Variants in MYO1E observed in about 807,000 individuals in gnomAD.
MYO1E encodes the protein unconventional myosin-Ie.
In MYO1E, 68 loss-of-function variants were observed where a neutral mutation model predicts 151.1. The ratio of observed to expected loss-of-function variants is 0.45; its 90% CI spans 0.37 to 0.55. The LOEUF (loss-of-function observed/expected upper bound fraction) is 0.55, where lower values mean the gene tolerates loss of function less well. Ranked by LOEUF, MYO1E falls within the 20% of genes least tolerant of loss-of-function variation. The pLI is 0.00. For missense variants in MYO1E, 1,363 were observed against 1,389.3 expected (o/e 0.98, Z 0.30); for synonymous variants, 601 against 501.7 (o/e 1.20, Z -2.64).
intron 1 of MYO1E, among the ~76,000 whole-genome samples, chr15:59,292,530 C>A (rs1054037438): frequency 6.6e-6 from 1 of 152,332 alleles, no homozygotes; most frequent in South Asian, 2.1e-4. Flanking sequence ...AGGCCTAAAA[C>A]AATGTGCAGT....
chr15:59,176,052 T>TTTGTTGTTG (rs35018814), intron 19 of MYO1E, among the ~76,000 whole-genome samples: 3 of 151,262 alleles, frequency 2.0e-5, no homozygotes, highest in Non-Finnish European at 4.4e-5. Context: ...TGATGTGGGT[T>TTTGTTGTTG]TTGTTGTTGT....
intron 4 of MYO1E, among the ~76,000 whole-genome samples, chr15:59,250,213 A>AG (rs1320836359): frequency 6.6e-6 from 1 of 152,102 alleles, no homozygotes; most frequent in Non-Finnish European, 1.5e-5. Context: ...TGACCATAGG[A>AG]GAGTCTGACG....
At chr15:59,172,305 C>T (rs1187328430) in intron 21 of MYO1E, among the ~76,000 whole-genome samples, 1 of 152,026 alleles carries the variant, frequency 6.6e-6, no homozygotes, top group Non-Finnish European at 1.5e-5. Flanking sequence ...TGCAGTGAGC[C>T]GAGATTGCGC....
chr15:59,151,031 ACACACACACACACACAC>A (rs1478982573), intron 26 of MYO1E, among the ~76,000 whole-genome samples: 1 of 133,294 alleles, frequency 7.5e-6, no homozygotes, highest in African/African-American at 3.3e-5. Context: ...ACACACACAC[ACACACACACACACACAC>A]ACGCGCGCGC....
chr15:59,364,029 C>T (rs754649856), intron 1 of MYO1E, among the ~76,000 whole-genome samples: 4 of 152,168 alleles, frequency 2.6e-5, no homozygotes, highest in African/African-American at 7.2e-5. Context: ...CTGCCCTCCT[C>T]GGCCTCCCAA....
intron 1 of MYO1E, among the ~76,000 whole-genome samples, chr15:59,343,333 C>T (rs1244015552): frequency 2.0e-5 from 3 of 151,656 alleles, no homozygotes; most frequent in Non-Finnish European, 4.4e-5. Context: ...CTTTATGCCA[C>T]TCTCTCCTGG....
At chr15:59,185,803 T>A (rs1237475790) in intron 18 of MYO1E, among the ~76,000 whole-genome samples, 1 of 152,216 alleles carries the variant, frequency 6.6e-6, no homozygotes, top group Admixed American at 6.5e-5. Flanking sequence ...AGTCAATGCC[T>A]GGATACGCTT....
intron 18 of MYO1E, among the ~76,000 whole-genome samples, chr15:59,185,754 A>T (rs2079692232): frequency 6.6e-6 from 1 of 152,236 alleles, no homozygotes; most frequent in South Asian, 2.1e-4. Context: ...TATCTAAGCC[A>T]AAGTTCCTCA....
chr15:59,315,369 G>A (rs1200666611), intron 1 of MYO1E, among the ~76,000 whole-genome samples: 2 of 152,064 alleles, frequency 1.3e-5, no homozygotes, highest in African/African-American at 4.8e-5. Context: ...AGAACTGGAA[G>A]GGGTCTTACG....
intron 12 of MYO1E, among the ~76,000 whole-genome samples, chr15:59,211,854 C>A (rs1296151802): frequency 6.6e-6 from 1 of 152,166 alleles, no homozygotes; most frequent in Admixed American, 6.5e-5. Flanking sequence ...CCGTCTAAGT[C>A]TCTACCATGT....
intron 22 of MYO1E, among the ~76,000 whole-genome samples, chr15:59,169,487 A>C (rs146361722): frequency 6.6e-6 from 1 of 152,340 alleles, no homozygotes; most frequent in Non-Finnish European, 1.5e-5. Flanking sequence ...ATGAGGGGAC[A>C]CTATTATTCA....
chr15:59,151,381 G>A (rs550538651), intron 26 of MYO1E, among the ~76,000 whole-genome samples: 1 of 152,180 alleles, frequency 6.6e-6, no homozygotes, highest in African/African-American at 2.4e-5. Context: ...AGTGAGCTGA[G>A]ATTGCACCAC....
chr15:59,139,463 C>T (rs1445001572), intron 26 of MYO1E, among the ~76,000 whole-genome samples: 2 of 149,038 alleles, frequency 1.3e-5, no homozygotes, highest in African/African-American at 5.0e-5. Context: ...ACTTTCCTTT[C>T]ACCCGCTCAT....
chr15:59,361,116 C>G (rs1208986367), intron 1 of MYO1E, among the ~76,000 whole-genome samples: 1 of 152,114 alleles, frequency 6.6e-6, no homozygotes, highest in African/African-American at 2.4e-5. Flanking sequence ...GACACATGGC[C>G]AAGCCATCCC....
At chr15:59,140,988 C>A (rs2079405501) in intron 26 of MYO1E, among the ~76,000 whole-genome samples, 1 of 152,212 alleles carries the variant, frequency 6.6e-6, no homozygotes, top group South Asian at 2.1e-4. Context: ...AATCCCCATT[C>A]CCTGTTCAAG....
chr15:59,282,973 A>G (rs1238161595), intron 1 of MYO1E, among the ~76,000 whole-genome samples: 5 of 37,480 alleles, frequency 1.3e-4, no homozygotes, highest in Non-Finnish European at 1.5e-4. Flanking sequence ...GGGAAAGGGG[A>G]AAGGGGAAAG....
intron 1 of MYO1E, among the ~76,000 whole-genome samples, chr15:59,352,026 A>G (rs1382929404): frequency 6.6e-6 from 1 of 152,184 alleles, no homozygotes; most frequent in Non-Finnish European, 1.5e-5. Flanking sequence ...AGACTAGTTC[A>G]GAGGGATCAG....
At chr15:59,179,116 C>T (rs1430958782) in intron 18 of MYO1E, among the ~76,000 whole-genome samples, 2 of 152,160 alleles carry the variant, frequency 1.3e-5, no homozygotes, top group African/African-American at 4.8e-5. Context: ...TCTTCATGCC[C>T]ACCATGCCCT....
chr15:59,316,264 C>T (rs1236915224), intron 1 of MYO1E, among the ~76,000 whole-genome samples: 1 of 152,188 alleles, frequency 6.6e-6, no homozygotes, highest in Non-Finnish European at 1.5e-5. Flanking sequence ...ATCATTCTGG[C>T]CTGAATTCTT....
Sources: gnomAD v4.1 joint callset for allele counts (sites outside exome capture counted in the v4.1 genomes callset) on GRCh38, gnomAD v4.1.1 for gene constraint, MANE v1.5 for transcripts, NCBI Gene and HGNC (gene_info 2026-07-23, HGNC 2026-07-21) for gene names.